Variants in NPY2R observed in about 807,000 individuals in gnomAD.
The protein encoded by NPY2R is neuropeptide Y receptor Y2.
NPY2R carries 17 observed loss-of-function variants against 22.3 expected under a neutral mutation model. The observed-to-expected ratio is 0.76, with a 90% CI of 0.52 to 1.14. The LOEUF (loss-of-function observed/expected upper bound fraction) is 1.14, where lower values mean the gene tolerates loss of function less well. Among genes scored for constraint, NPY2R ranks in the 50% most tolerant of loss-of-function variants. NPY2R has a pLI of 0.00. For missense variants in NPY2R, 424 were observed against 467.9 expected (o/e 0.91, Z 0.87); for synonymous variants, 209 against 183.4 (o/e 1.14, Z -1.13).
At chr4:155,195,644 C>A in the NPY2R span, among the ~76,000 whole-genome samples, 2 of 151,778 alleles carry the variant, frequency 1.3e-5, no homozygotes, top group East Asian at 1.9e-4. Flanking sequence ...ATATAATGTA[C>A]AATCCACTTA....
the NPY2R span, among the ~76,000 whole-genome samples, chr4:155,182,089 G>A: frequency 6.6e-6 from 1 of 152,012 alleles, no homozygotes. Flanking sequence ...ATAACTAAAG[G>A]CTAATTAATC....
chr4:155,190,269 G>A, the NPY2R span, among the ~76,000 whole-genome samples: 3 of 152,020 alleles, frequency 2.0e-5, no homozygotes, highest in African/African-American at 7.2e-5. Flanking sequence ...TATTAGTTGA[G>A]AGTGAGTTAG....
the NPY2R span, among the ~76,000 whole-genome samples, chr4:155,177,447 C>A: frequency 6.6e-6 from 1 of 152,268 alleles, no homozygotes; most frequent in Admixed American, 6.5e-5. Context: ...TGACAATAAT[C>A]TTTGACTCCA....
At chr4:155,206,120 T>C (rs148585813), upstream of NPY2R, among the ~76,000 whole-genome samples, 54 of 152,306 alleles carry the variant, frequency 3.5e-4, no homozygotes, top group East Asian at 8.1e-3. Flanking sequence ...CAACCTAGCA[T>C]GCTGGTCCAT....
Sources: gnomAD v4.1 joint callset for allele counts (sites outside exome capture counted in the v4.1 genomes callset) on GRCh38, gnomAD v4.1.1 for gene constraint, MANE v1.5 for transcripts, NCBI Gene and HGNC (gene_info 2026-07-23, HGNC 2026-07-21) for gene names.